RNF212B: variants seen among roughly 807,000 people sequenced by gnomAD.
RNF212B encodes the protein ring finger protein 212B.
RNF212B carries 52 observed loss-of-function variants against 55.5 expected under a neutral mutation model. The observed-to-expected ratio is 0.94, with a 90% CI of 0.75 to 1.18. RNF212B has a LOEUF of 1.18. Among genes scored for constraint, RNF212B ranks in the 50% most tolerant of loss-of-function variants. The pLI is 0.00. For missense variants in RNF212B, 289 were observed against 350.4 expected, an observed-to-expected ratio of 0.82 and a Z score of 1.40; for synonymous variants, 99 against 121.4, an observed-to-expected ratio of 0.82 and a Z score of 1.21.
At chr14:23,206,935 A>G (rs920693285) in intron 2 of RNF212B, among the ~76,000 whole-genome samples, 8 of 149,006 alleles carry the variant, frequency 5.4e-5, no homozygotes, top group Admixed American at 4.6e-4. Flanking sequence ...ACAAGGTCTT[A>G]GAAGAGAAAA....
chr14:23,217,040 A>G (rs1426314482), intron 2 of RNF212B, among the ~76,000 whole-genome samples: 1 of 152,138 alleles, frequency 6.6e-6, no homozygotes, highest in Non-Finnish European at 1.5e-5. Flanking sequence ...TAAAGCAACA[A>G]GAAGGTTCCC....
Position 23,273,068 on chromosome 14 carries a change from T to G in RNF212B, c.*177T>G. 2.4e-6 allele frequency: 1 copy of G among 425,098 alleles called. No individual in the cohort carries two copies. 26.3% of individuals were successfully genotyped at this position (425,098 alleles called of 1,614,324 possible). A position where few individuals can be genotyped will look rare whatever the true frequency, so the allele number is the denominator to read the frequency against. On this transcript the variant is annotated 3_prime_UTR_variant, in exon 15 of 15. Coordinates refer to ENST00000430154, the MANE Select transcript of RNF212B (RefSeq NM_001282322.3). ...CCCTTATCACCTCCCAGGACAGTGGTCAGGTCTTACAAAAGGCTAGTGCTT... is the reference window on the plus strand; with the variant it reads ...CCCTTATCACCTCCCAGGACAGTGGGCAGGTCTTACAAAAGGCTAGTGCTT...
rs945785910 is a variant in RNF212B, at chr14:23,185,491, G to A, written c.-79+1G>A. The A allele has an allele frequency of 6.6e-6, 1 of 152,150 alleles. No individual in the cohort carries two copies. Among genetic ancestry groups the A allele is most frequent in the Non-Finnish European group, 1.5e-5 (1 of 68,022 alleles). 9.4% of individuals were successfully genotyped at this position (152,150 alleles called of 1,614,324 possible). ...CAAATAATGTTTCTGCTTCTTAAAC[G>A]TGAGTTCTTTCAGTAATATTTGGTA... On this transcript the variant is annotated splice_donor_variant, in intron 1 of 15. Transcript: ENST00000399910. LOFTEE classifies it low-confidence loss of function (5UTR_SPLICE).
rs757444730 is a variant in RNF212B, at chr14:23,268,907, A to AT, written c.635-12dup. The AT allele has an allele frequency of 1.1e-5, 17 of 1,548,558 alleles. No homozygotes were observed. The highest frequency in any genetic ancestry group is 1.5e-5 in the Non-Finnish European group (17 of 1,144,962). On this transcript the variant is annotated splice_polypyrimidine_tract_variant and intron_variant, in intron 11 of 14. Transcript: ENST00000430154. ...AGTTCATGGATTATCTCACAGGCTTATTTTTATGCTTTCCAGAAACCCCTT... is the reference window on the plus strand; with the variant it reads ...AGTTCATGGATTATCTCACAGGCTTATTTTTTATGCTTTCCAGAAACCCCTT...
chr14:23,203,936 G>T (rs1470484467), intron 2 of RNF212B, among the ~76,000 whole-genome samples: 1 of 152,182 alleles, frequency 6.6e-6, no homozygotes, highest in African/African-American at 2.4e-5. Flanking sequence ...GCAGGAGTAA[G>T]GTGGTGTTGC....
chr14:23,271,681 G>C (rs531141117), intron 14 of RNF212B, among the ~76,000 whole-genome samples: 14 of 152,014 alleles, frequency 9.2e-5, no homozygotes, highest in Admixed American at 7.2e-4. Context: ...GGCAACACTG[G>C]GGAAGTAACA....
chr14:23,196,559 C>T (rs1475899133), intron 2 of RNF212B, among the ~76,000 whole-genome samples: 1 of 152,210 alleles, frequency 6.6e-6, no homozygotes, highest in African/African-American at 2.4e-5. Context: ...CCCGCCTCAG[C>T]CTCCTGAGTA....
At chr14:23,235,163 G>A (rs1229872041), upstream of RNF212B, among the ~76,000 whole-genome samples, 67 of 151,922 alleles carry the variant, frequency 4.4e-4, no homozygotes, top group Admixed American at 4.4e-3. Flanking sequence ...AGTGAGCTGA[G>A]ATGGTGCCAC....
chr14:23,237,850 C>T (rs531950726), upstream of RNF212B, among the ~76,000 whole-genome samples: 1 of 151,924 alleles, frequency 6.6e-6, no homozygotes, highest in Admixed American at 6.5e-5. Context: ...GCCCACGCCC[C>T]GCGCACGCCA....
chr14:23,264,579 A>G, intron 10 of RNF212B, 44 bp from the exon 11 acceptor site: 2 of 1,254,566 alleles, frequency 1.6e-6, no homozygotes, highest in Non-Finnish European at 2.1e-6. Context: ...AAGCCAGATA[A>G]CTGAGATATA....
chr14:23,207,931 AG>A (rs1880008200), intron 2 of RNF212B, among the ~76,000 whole-genome samples: 1 of 152,168 alleles, frequency 6.6e-6, no homozygotes, highest in South Asian at 2.1e-4. Flanking sequence ...CTAAGCGGAG[AG>A]GGGGCTTCCA....
chr14:23,240,581 G>A (rs754617819), intron 2 of RNF212B, 136 bp downstream of exon 2: 16 of 534,486 alleles, frequency 3.0e-5, no homozygotes, highest in Non-Finnish European at 5.3e-5. Flanking sequence ...GTAGGAAACT[G>A]TCAATTTTAG....
At chr14:23,236,366 T>A (rs1373039799), upstream of RNF212B, among the ~76,000 whole-genome samples, 1 of 151,882 alleles carries the variant, frequency 6.6e-6, no homozygotes, top group East Asian at 1.9e-4. Flanking sequence ...ATAGAAAAAA[T>A]TAGCTGGGCG....
upstream of RNF212B, among the ~76,000 whole-genome samples, chr14:23,235,329 A>C (rs1250415597): frequency 6.6e-6 from 1 of 152,208 alleles, no homozygotes; most frequent in African/African-American, 2.4e-5. Flanking sequence ...TAGCCTGGGC[A>C]GCAGAGGGAG....
chr14:23,247,674 C>T (rs1353119755), intron 4 of RNF212B, among the ~76,000 whole-genome samples: 1 of 152,108 alleles, frequency 6.6e-6, no homozygotes, highest in Non-Finnish European at 1.5e-5. Flanking sequence ...ATTCATTAGT[C>T]AATAGACATT....
chr14:23,262,774 T>C (rs1047173540), intron 8 of RNF212B, 63 bp downstream of exon 8: 12 of 1,490,334 alleles, frequency 8.1e-6, no homozygotes, highest in Non-Finnish European at 9.2e-6. Flanking sequence ...ATGTAGAAGA[T>C]GGTTTCCTCT....
chr14:23,261,723 A>C (rs1373958326), intron 7 of RNF212B, among the ~76,000 whole-genome samples: 1 of 152,178 alleles, frequency 6.6e-6, no homozygotes, highest in African/African-American at 2.4e-5. Flanking sequence ...GCACTTTGGG[A>C]GGCCAAGGTG....
At position 23,188,460 on chromosome 14, in the gene RNF212B, G is replaced by GTTTTTTTTT. The variant is rs60659225; in HGVS notation, c.-79+2979_-79+2987dup. Reference sequence around the variant, plus strand: ...TTCATTATGTTTGACAAAGATTAGGGTTTTTTTTTTTTTTTTTAGAGATAG... The same window carrying GTTTTTTTTT: ...TTCATTATGTTTGACAAAGATTAGGGTTTTTTTTTTTTTTTTTTTTTTTTTTAGAGATAG... On this transcript the variant is annotated intron_variant, in intron 1 of 15. Coordinates refer to the RNF212B transcript ENST00000399910. 7.3e-5 allele frequency: 10 copies of GTTTTTTTTT among 136,502 alleles called. 4 individuals are homozygous for GTTTTTTTTT. Among genetic ancestry groups the GTTTTTTTTT allele is most frequent in the Non-Finnish European group, 1.4e-4 (9 of 64,028 alleles). The allele number at this position is 136,502 out of a possible 1,614,324, so 8.5% of individuals were successfully genotyped here. A position where few individuals can be genotyped will look rare whatever the true frequency, so the allele number is the denominator to read the frequency against.
upstream of RNF212B, among the ~76,000 whole-genome samples, chr14:23,234,849 C>T (rs1209272144): frequency 1.3e-5 from 2 of 151,908 alleles, no homozygotes; most frequent in East Asian, 3.9e-4. Flanking sequence ...GCTGAGGCAG[C>T]AAGATGGTTT....
Sources: gnomAD v4.1 joint callset for allele counts (sites outside exome capture counted in the v4.1 genomes callset) on GRCh38, gnomAD v4.1.1 for gene constraint, MANE v1.5 for transcripts, NCBI Gene and HGNC (gene_info 2026-07-23, HGNC 2026-07-21) for gene names.